Variants in ZNF407 observed in about 807,000 individuals in gnomAD.
ZNF407 encodes the protein zinc finger protein 407.
ZNF407 carries 17 observed loss-of-function variants against 131.2 expected under a neutral mutation model. The observed-to-expected ratio is 0.13, with a 90% confidence interval of 0.09 to 0.19. The LOEUF is 0.19. Ranked by LOEUF, ZNF407 falls within the 10% of genes least tolerant of loss-of-function variation. The probability of loss-of-function intolerance (pLI) is 1.00; values close to 1 mark genes in which losing one functional copy is unlikely to be tolerated. For synonymous variants in ZNF407, 1,156 were observed against 1,062.0 expected (o/e 1.09, Z -1.72); for missense variants, 2,681 against 2,830.6 (o/e 0.95, Z 1.20).
chr18:74,948,127 A>G (rs772851584), intron 8 of ZNF407, among the ~76,000 whole-genome samples: 2 of 152,160 alleles, frequency 1.3e-5, no homozygotes, highest in Non-Finnish European at 2.9e-5. Flanking sequence ...AGAGGCTACT[A>G]TTCTGTTCTG....
chr18:74,811,408 A>T (rs1192330146), intron 4 of ZNF407, among the ~76,000 whole-genome samples: 2 of 152,036 alleles, frequency 1.3e-5, no homozygotes, highest in East Asian at 3.9e-4. Flanking sequence ...AAATAGGAAC[A>T]CTTTTACACT....
intron 7 of ZNF407, among the ~76,000 whole-genome samples, chr18:74,900,172 G>C (rs925677057): frequency 6.6e-6 from 1 of 152,176 alleles, no homozygotes; most frequent in Non-Finnish European, 1.5e-5. Flanking sequence ...TGAAGCAGGG[G>C]CACTGCTAAT....
chr18:74,731,561 G>A (rs977751200), intron 3 of ZNF407, among the ~76,000 whole-genome samples: 1 of 152,196 alleles, frequency 6.6e-6, no homozygotes, highest in African/African-American at 2.4e-5. Flanking sequence ...TGACTAATTA[G>A]GAGTAATGAA....
chr18:74,822,294 C>T (rs903655478), intron 4 of ZNF407, among the ~76,000 whole-genome samples: 1 of 151,960 alleles, frequency 6.6e-6, no homozygotes, highest in African/African-American at 2.4e-5. Context: ...TCAATTTTGG[C>T]TTTTGTTGCC....
chr18:75,028,305 T>C (rs545825611), intron 8 of ZNF407, among the ~76,000 whole-genome samples: 1 of 152,120 alleles, frequency 6.6e-6, no homozygotes, highest in Non-Finnish European at 1.5e-5. Flanking sequence ...TTCTTCTGAG[T>C]CCTCTCTCCT....
chr18:74,749,061 A>C (rs570958840), intron 3 of ZNF407, among the ~76,000 whole-genome samples: 1 of 152,310 alleles, frequency 6.6e-6, no homozygotes, highest in South Asian at 2.1e-4. Context: ...CAGCTGTGAC[A>C]ATAAAACAGC....
intron 4 of ZNF407, among the ~76,000 whole-genome samples, chr18:74,831,905 C>T (rs539297074): frequency 1.3e-5 from 2 of 152,174 alleles, no homozygotes. Flanking sequence ...TGGCCCTGGG[C>T]ACAGTTACTT....
chr18:74,622,100 C>A (rs1983536224), intron 1 of ZNF407, among the ~76,000 whole-genome samples: 1 of 151,806 alleles, frequency 6.6e-6, no homozygotes, highest in Non-Finnish European at 1.5e-5. Context: ...GGATCAGATA[C>A]TTGATTTTGT....
intron 3 of ZNF407, among the ~76,000 whole-genome samples, chr18:74,759,321 CATGTTTG>C (rs887147654): frequency 1.3e-5 from 2 of 152,070 alleles, no homozygotes; most frequent in African/African-American, 4.8e-5. Context: ...ATTCTGTGGA[CATGTTTG>C]AGTTTTTCCT....
At chr18:75,029,099 A>G (rs539128210) in intron 8 of ZNF407, among the ~76,000 whole-genome samples, 2 of 152,324 alleles carry the variant, frequency 1.3e-5, no homozygotes, top group African/African-American at 4.8e-5. Flanking sequence ...CTCAAAATGC[A>G]CATAATATAG....
chr18:74,975,920 T>C (rs1599273473), intron 8 of ZNF407, among the ~76,000 whole-genome samples: 1 of 152,360 alleles, frequency 6.6e-6, no homozygotes, highest in Non-Finnish European at 1.5e-5. Context: ...TAGATGGTCA[T>C]GACAGAGAGG....
intron 8 of ZNF407, among the ~76,000 whole-genome samples, chr18:75,012,149 G>C (rs556136792): frequency 6.6e-6 from 1 of 152,084 alleles, no homozygotes; most frequent in Non-Finnish European, 1.5e-5. Context: ...AGAATGTATC[G>C]TCAATACATT....
intron 3 of ZNF407, among the ~76,000 whole-genome samples, chr18:74,748,974 T>C (rs1968734846): frequency 2.0e-5 from 3 of 152,140 alleles, no homozygotes; most frequent in Non-Finnish European, 4.4e-5. Context: ...CCATAAAAAG[T>C]TCATCAAAGT....
chr18:74,680,208 T>A (rs1442796998), intron 3 of ZNF407, among the ~76,000 whole-genome samples: 1 of 151,882 alleles, frequency 6.6e-6, no homozygotes, highest in Non-Finnish European at 1.5e-5. Context: ...CTGGGCAACA[T>A]GGGGAAACCT....
chr18:74,990,584 T>C (rs939695754), intron 8 of ZNF407, among the ~76,000 whole-genome samples: 7 of 152,256 alleles, frequency 4.6e-5, no homozygotes, highest in African/African-American at 1.4e-4. Flanking sequence ...TCACAGATGA[T>C]TCATACACAA....
chr18:74,927,622 T>A (rs886820709), intron 8 of ZNF407, among the ~76,000 whole-genome samples: 1 of 152,224 alleles, frequency 6.6e-6, no homozygotes, highest in Non-Finnish European at 1.5e-5. Context: ...AAGAGTAACA[T>A]TGTTTAGCTT....
At chr18:74,912,152 A>G (rs1297799478) in intron 7 of ZNF407, among the ~76,000 whole-genome samples, 1 of 152,202 alleles carries the variant, frequency 6.6e-6, no homozygotes, top group Non-Finnish European at 1.5e-5. Context: ...ATCTGTGCCA[A>G]GCTCTCTGCT....
chr18:74,672,528 T>TG (rs1280190832), intron 3 of ZNF407, among the ~76,000 whole-genome samples: 7 of 150,572 alleles, frequency 4.6e-5, no homozygotes, highest in Admixed American at 1.3e-4. Flanking sequence ...TGGAGCACCG[T>TG]TTGTTCATTG....
Position 74,781,406 on chromosome 18 carries a change from ATTACTT to A in ZNF407, c.4803-19_4803-14del. On this transcript the variant is annotated splice_polypyrimidine_tract_variant and intron_variant, in intron 3 of 8. Coordinates refer to ENST00000299687, the MANE Select transcript of ZNF407 (RefSeq NM_017757.3). ...TGGAGAGTCAAGTTTTAGTTTTATA[ATTACTT>A]TTGTTTATTTTTTAGGGTTGCTTTT... 1 of 1,496,462 alleles carries A rather than the reference ATTACTT, an allele frequency of 6.7e-7. No individual in the cohort carries two copies. Among genetic ancestry groups the A allele is most frequent in the South Asian group, 1.3e-5 (1 of 78,868 alleles). The allele number at this position is 1,496,462 out of a possible 1,614,324, so 92.7% of individuals were successfully genotyped here.
Sources: gnomAD v4.1 joint callset for allele counts (sites outside exome capture counted in the v4.1 genomes callset) on GRCh38, gnomAD v4.1.1 for gene constraint, MANE v1.5 for transcripts, NCBI Gene and HGNC (gene_info 2026-07-23, HGNC 2026-07-21) for gene names.